Variants in ELP2 observed in about 807,000 individuals in gnomAD.
ELP2 encodes elongator complex protein 2.
In ELP2, 90 loss-of-function variants were observed where a neutral mutation model predicts 119.2. The ratio of observed to expected loss-of-function variants is 0.75; its 90% confidence interval spans 0.64 to 0.90. The LOEUF is 0.90. Ranked by LOEUF, ELP2 falls within the 40% of genes least tolerant of loss-of-function variation. The pLI is 0.00. For missense variants in ELP2, 921 were observed against 967.8 expected (o/e 0.95, Z 0.64); for synonymous variants, 339 against 331.0 (o/e 1.02, Z -0.26).
At chr18:36,164,448 C>T (rs1183628581) in intron 17 of ELP2, 27 bp from the exon 18 acceptor site, 2 of 1,592,742 alleles carry the variant, frequency 1.3e-6, no homozygotes, top group African/African-American at 2.7e-5. Context: ...TACTTACTAG[C>T]TTCATTGTTT....
chr18:36,148,337 G>A (rs1274776708), intron 11 of ELP2, among the ~76,000 whole-genome samples: 1 of 152,162 alleles, frequency 6.6e-6, no homozygotes, highest in Non-Finnish European at 1.5e-5. Flanking sequence ...CTCCCAGAGT[G>A]CTGAGATTAC....
chr18:36,132,332 A>AT (rs1271659148), intron 1 of ELP2, among the ~76,000 whole-genome samples: 1 of 152,214 alleles, frequency 6.6e-6, no homozygotes, highest in African/African-American at 2.4e-5. Context: ...GTAATGAGTG[A>AT]TAACGCGCGT....
intron 5 of ELP2, chr18:36,139,272 C>A (rs191564177): frequency 1.4e-6 from 1 of 708,702 alleles, no homozygotes; most frequent in Non-Finnish European, 2.3e-6. Flanking sequence ...CTTCACATCC[C>A]GAATAATGAC....
chr18:36,156,882 G>T (rs1789508), intron 13 of ELP2, among the ~76,000 whole-genome samples: 1 of 151,978 alleles, frequency 6.6e-6, no homozygotes, highest in Admixed American at 6.6e-5. Context: ...AGCTGCATTA[G>T]TGTTCAATTG....
chr18:36,156,399 T>C, intron 12 of ELP2, 67 bp from the exon 13 acceptor site: 1 of 1,421,156 alleles, frequency 7.0e-7, no homozygotes, highest in Non-Finnish European at 9.9e-7. Flanking sequence ...ATAATTTTCA[T>C]CTAATAATTT....
chr18:36,155,604 A>C (rs565837411), intron 12 of ELP2, among the ~76,000 whole-genome samples: 86 of 152,086 alleles, frequency 5.7e-4, no homozygotes, highest in African/African-American at 2.0e-3. Flanking sequence ...GGATCTTGCT[A>C]TGTTGCTCAG....
In ELP2 at chr18:36,178,308, T is replaced by C. The variant is rs550869647; in HGVS notation, c.*3667T>C. 9 of 152,124 alleles carry C rather than the reference T, an allele frequency of 5.9e-5. No individual in the cohort carries two copies. The highest frequency in any genetic ancestry group is 2.0e-4 in the Admixed American group (3 of 15,282). The allele number at this position is 152,124 out of a possible 1,614,324, so 9.4% of individuals were successfully genotyped here. A position where few individuals can be genotyped will look rare whatever the true frequency, so the allele number is the denominator to read the frequency against. On this transcript the variant is annotated 3_prime_UTR_variant, in exon 22 of 22. Transcript: ENST00000358232. Reference sequence around the variant, plus strand: ...GTACAAAGTGGGCCCTACAAAATTATAGGGTCAGAAAACAGGTAAGTGGTT... The same window carrying C: ...GTACAAAGTGGGCCCTACAAAATTACAGGGTCAGAAAACAGGTAAGTGGTT...
chr18:36,152,186 G>T (rs1218533681), intron 11 of ELP2, among the ~76,000 whole-genome samples: 4 of 91,618 alleles, frequency 4.4e-5, no homozygotes, highest in Non-Finnish European at 9.1e-5. Context: ...GACAGAGTGA[G>T]ACCCTATCTC....
At chr18:36,170,954 G>T (rs1176171280) in intron 20 of ELP2, 93 bp from the exon 21 acceptor site, 3 of 892,572 alleles carry the variant, frequency 3.4e-6, no homozygotes, top group Non-Finnish European at 5.6e-6. Flanking sequence ...GGCAGGGACA[G>T]TTGGGACACT....
rs1473458135 is a variant in ELP2 at position 36,167,029 on chromosome 18, A to G, written c.1955-72A>G. On this transcript the variant is annotated intron_variant, in intron 18 of 21. Coordinates refer to ENST00000358232, the MANE Select transcript of ELP2 (RefSeq NM_018255.4). Reference sequence around the variant, plus strand: ...AAGTCATATGGTGTATATGGCACTTAAACATCACTTCCTAACAGGTAAAAA... The same window carrying G: ...AAGTCATATGGTGTATATGGCACTTGAACATCACTTCCTAACAGGTAAAAA... 7 of 1,495,328 alleles carry G rather than the reference A, an allele frequency of 4.7e-6. 1 individual carries two copies. The African/African-American group carries it at 5.6e-5, about 12-fold the overall frequency. The allele number at this position is 1,495,328 out of a possible 1,614,324, so 92.6% of individuals were successfully genotyped here.
intron 12 of ELP2, among the ~76,000 whole-genome samples, 177 bp from the exon 13 acceptor site, chr18:36,156,289 A>T (rs761987447): frequency 9.2e-5 from 14 of 152,072 alleles, no homozygotes; most frequent in Non-Finnish European, 1.5e-4. Flanking sequence ...ATTTTGAGTG[A>T]TTTTTCTGTG....
At chr18:36,150,093 T>C (rs2090349894) in intron 11 of ELP2, among the ~76,000 whole-genome samples, 1 of 152,214 alleles carries the variant, frequency 6.6e-6, no homozygotes, top group South Asian at 2.1e-4. Context: ...GACCCATTTA[T>C]AGCTCCCCAG....
intron 3 of ELP2, among the ~76,000 whole-genome samples, chr18:36,137,803 CAAAAAAAAAA>C (rs57722627): frequency 1.4e-4 from 14 of 103,688 alleles, no homozygotes; most frequent in East Asian, 6.4e-4. Flanking sequence ...ATATTATCAC[CAAAAAAAAAA>C]AAAAAAAAAA....
chr18:36,130,222 A>C (rs924877463), intron 1 of ELP2, 151 bp downstream of exon 1: 1 of 970,110 alleles, frequency 1.0e-6, no homozygotes, highest in Non-Finnish European at 1.6e-6. Flanking sequence ...TCTCCAGTGG[A>C]CCTGCCGGAC....
In ELP2 at chr18:36,138,842, C is replaced by A; in HGVS notation, c.493C>A (p.Leu165Ile). Residue 165 changes from leucine to isoleucine, a missense_variant, in exon 5 of 22, where the codon CTC becomes ATC. Coordinates refer to ENST00000358232, the MANE Select transcript of ELP2 (RefSeq NM_018255.4). ...CTTTGGAAATGGATTTGCTTTGGCT[C>A]TCTGCTTATCTTTTTTGCCAAATAC... is the stretch of plus-strand genomic sequence containing the variant. Reference protein sequence around the residue: ...LNFGNGFALALCLSFLPNTDV... With the variant: ...LNFGNGFALAICLSFLPNTDV... The A allele has an allele frequency of 6.2e-7, 1 of 1,613,876 alleles. No individual in the cohort carries two copies. The highest frequency in any genetic ancestry group is 8.5e-7 in the Non-Finnish European group (1 of 1,179,912).
Position 36,177,743 on chromosome 18 carries a change from A to G in ELP2, c.*3102A>G, listed in dbSNP as rs1470445374. The G allele has an allele frequency of 2.0e-5, 3 of 152,130 alleles. No individual in the cohort carries two copies. The highest frequency in any genetic ancestry group is 4.4e-5 in the Non-Finnish European group (3 of 68,024). 9.4% of individuals were successfully genotyped at this position (152,130 alleles called of 1,614,324 possible). On this transcript the variant is annotated 3_prime_UTR_variant, in exon 22 of 22. Coordinates refer to ENST00000358232, the MANE Select transcript of ELP2 (RefSeq NM_018255.4). The stretch of plus-strand genomic sequence containing the variant: ...AAAAAAGTGCTCCAAAGTAAGATAT[A>G]TTTGGGAAACACAGGGATAACTAAG...
At chr18:36,146,109 C>T (rs1488008802) in intron 10 of ELP2, 61 bp downstream of exon 10, 6 of 1,582,944 alleles carry the variant, frequency 3.8e-6, no homozygotes, top group South Asian at 1.1e-5. Context: ...ATTTAAATCC[C>T]AAGTCTATAT....
rs986864632 is a variant in ELP2, at chr18:36,139,460, A to T, written c.523+588A>T. 5.2e-6 allele frequency: 8 copies of T among 1,535,562 alleles called. No homozygotes were observed. In the Admixed American group the frequency reaches 1.4e-4, roughly 26 times the overall value. On this transcript the variant is annotated intron_variant, in intron 5 of 21. Coordinates refer to ENST00000358232, the MANE Select transcript of ELP2 (RefSeq NM_018255.4). Reference sequence around the variant, plus strand: ...CCAGGTGGAACGAGGCAGGGCCTGGAAGCCACCAGCCTCTCTCGCCCTCTG... The same window carrying T: ...CCAGGTGGAACGAGGCAGGGCCTGGTAGCCACCAGCCTCTCTCGCCCTCTG...
At chr18:36,153,356 C>A (rs1419090112) in intron 11 of ELP2, among the ~76,000 whole-genome samples, 1 of 152,158 alleles carries the variant, frequency 6.6e-6, no homozygotes, top group African/African-American at 2.4e-5. Flanking sequence ...TATCCTTTTT[C>A]TTCCCAAACC....
Sources: gnomAD v4.1 joint callset for allele counts (sites outside exome capture counted in the v4.1 genomes callset) on GRCh38, gnomAD v4.1.1 for gene constraint, MANE v1.5 for transcripts, NCBI Gene and HGNC (gene_info 2026-07-23, HGNC 2026-07-21) for gene names.